SPATS2L: variants seen among roughly 807,000 people sequenced by gnomAD.
SPATS2L encodes the protein SPATS2-like protein.
In SPATS2L, 30 loss-of-function variants were observed where a neutral mutation model predicts 59.6. The observed-to-expected ratio is 0.50, with a 90% CI of 0.38 to 0.68. SPATS2L has a LOEUF of 0.68. Ranked by LOEUF, SPATS2L falls within the 30% of genes least tolerant of loss-of-function variation. The pLI, the probability that SPATS2L is intolerant of heterozygous loss-of-function variation, is 0.00. For missense variants in SPATS2L, 615 were observed against 700.0 expected (o/e 0.88, Z 1.37); for synonymous variants, 252 against 263.5 (o/e 0.96, Z 0.42).
chr2:200,404,496 C>T (rs932255541), intron 3 of SPATS2L, among the ~76,000 whole-genome samples: 1 of 152,114 alleles, frequency 6.6e-6, no homozygotes, highest in African/African-American at 2.4e-5. Context: ...GGCTAGAATT[C>T]CCCCAAACCT....
chr2:200,431,955 T>C (rs1033603275), intron 6 of SPATS2L, among the ~76,000 whole-genome samples: 1 of 152,246 alleles, frequency 6.6e-6, no homozygotes, highest in Non-Finnish European at 1.5e-5. Context: ...GTTTTCACTG[T>C]TGGCAAGAGT....
chr2:200,306,570 G>C (rs924291477), upstream of SPATS2L: 36 of 1,002,042 alleles, frequency 3.6e-5, no homozygotes, highest in Non-Finnish European at 4.3e-5. Flanking sequence ...GCGAGCGGGA[G>C]CGAGGGGCGC....
chr2:200,427,412 G>A (rs1014065885), intron 6 of SPATS2L, among the ~76,000 whole-genome samples: 21 of 150,280 alleles, frequency 1.4e-4, no homozygotes, highest in African/African-American at 4.9e-4. Context: ...AGAGAAATAA[G>A]ACAGTGGAAA....
intron 6 of SPATS2L, among the ~76,000 whole-genome samples, chr2:200,433,639 G>A (rs991644030): frequency 6.6e-6 from 1 of 151,804 alleles, no homozygotes; most frequent in East Asian, 1.9e-4. Context: ...CCAATATCAG[G>A]GATAAAATTA....
chr2:200,404,289 A>G (rs1216716247), intron 3 of SPATS2L, among the ~76,000 whole-genome samples: 1 of 152,246 alleles, frequency 6.6e-6, no homozygotes, highest in Admixed American at 6.5e-5. Context: ...GGTGAAAGAT[A>G]GGGGAACCTG....
At chr2:200,307,871 TTC>T (rs1490262041) in intron 1 of SPATS2L, among the ~76,000 whole-genome samples, 1 of 152,236 alleles carries the variant, frequency 6.6e-6, no homozygotes, top group Non-Finnish European at 1.5e-5. Context: ...TCGTGAAAGA[TTC>T]TTTCTGTACG....
At chr2:200,315,118 C>T (rs1165797023) in intron 1 of SPATS2L, among the ~76,000 whole-genome samples, 1 of 152,204 alleles carries the variant, frequency 6.6e-6, no homozygotes, top group African/African-American at 2.4e-5. Flanking sequence ...CCAGGAGATG[C>T]ATCCTGTACG....
At chr2:200,387,440 TATAAAA>T (rs561521798) in intron 2 of SPATS2L, among the ~76,000 whole-genome samples, 41 of 152,322 alleles carry the variant, frequency 2.7e-4, no homozygotes, top group South Asian at 1.2e-3. Context: ...TTTGGGAACT[TATAAAA>T]ATAAAATGTT....
intron 10 of SPATS2L, among the ~76,000 whole-genome samples, chr2:200,468,689 C>G (rs1225601121): frequency 6.6e-6 from 1 of 152,202 alleles, no homozygotes; most frequent in Non-Finnish European, 1.5e-5. Context: ...CCTACACTGT[C>G]TCCCTTCAGC....
chr2:200,393,119 C>T, intron 3 of SPATS2L: 3 of 444,348 alleles, frequency 6.8e-6, no homozygotes, highest in Non-Finnish European at 1.4e-5. Context: ...GGGTTGGGCG[C>T]CATGGTGCTG....
At position 200,356,529 on chromosome 2, in the gene SPATS2L, T is replaced by C. The variant is rs1043658125; in HGVS notation, c.-23+27049T>C. ...GGTTATCACAAACATTGCTTTTTTT[T>C]CTCCCAAAATATAGAAACATTTTCC... On this transcript the variant is annotated intron_variant, in intron 2 of 12. Coordinates refer to ENST00000409140, the MANE Select transcript of SPATS2L (RefSeq NM_001100423.2). Among the ~76,000 whole-genome samples the C allele has an allele frequency of 2.0e-5, 3 of 152,218 alleles. No homozygotes were observed. The South Asian group carries it at 6.2e-4, about 32-fold the overall frequency.
At chr2:200,430,456 T>TCCTGCC (rs751119976) in intron 6 of SPATS2L, among the ~76,000 whole-genome samples, 9 of 151,680 alleles carry the variant, frequency 5.9e-5, no homozygotes, top group Non-Finnish European at 1.3e-4. Flanking sequence ...AAGGAAACAA[T>TCCTGCC]CCTGCCCCCC....
At chr2:200,410,195 T>C (rs1354305188) in intron 3 of SPATS2L, among the ~76,000 whole-genome samples, 1 of 152,094 alleles carries the variant, frequency 6.6e-6, no homozygotes, top group African/African-American at 2.4e-5. Context: ...TATGAACCCA[T>C]AGTGGCTTGA....
intron 8 of SPATS2L, among the ~76,000 whole-genome samples, chr2:200,455,365 G>A (rs906338592): frequency 2.0e-5 from 3 of 152,192 alleles, no homozygotes; most frequent in African/African-American, 7.2e-5. Context: ...GCAAGGTTAA[G>A]CAGAAGAGTT....
intron 8 of SPATS2L, among the ~76,000 whole-genome samples, chr2:200,446,557 C>T (rs543953379): frequency 1.8e-4 from 28 of 152,188 alleles, no homozygotes; most frequent in African/African-American, 5.8e-4. Flanking sequence ...TGCTGCTAAC[C>T]GTCTCTCCCA....
intron 1 of SPATS2L, among the ~76,000 whole-genome samples, chr2:200,317,219 G>A (rs915058226): frequency 1.3e-5 from 2 of 152,218 alleles, no homozygotes; most frequent in Non-Finnish European, 2.9e-5. Context: ...AAGAAAAAGA[G>A]GACGGGCTTT....
At position 200,469,940 on chromosome 2, in the gene SPATS2L, C is replaced by T. The variant is rs372030849; in HGVS notation, c.984C>T (p.Asp328=). The T allele has an allele frequency of 1.9e-5, 31 of 1,611,294 alleles. No individual in the cohort carries two copies. The highest frequency in any genetic ancestry group is 1.6e-4 in the Middle Eastern group (1 of 6,084). ...IKHFVSERKY[D]EELGKAARFS... is the part of the protein sequence containing the mutation. ...ACTTTGTCAGCGAGCGTAAATATGA[C>T]GAGGAGCTCGGGAAAGCTGCCCGGT... The change falls in exon 11 of 13, where the codon GAC becomes GAT. Residue 328 remains aspartate, a synonymous_variant. Coordinates refer to ENST00000409140, the MANE Select transcript of SPATS2L (RefSeq NM_001100423.2).
At chr2:200,344,535 T>G (rs1406991382) in intron 2 of SPATS2L, among the ~76,000 whole-genome samples, 1 of 152,194 alleles carries the variant, frequency 6.6e-6, no homozygotes, top group East Asian at 1.9e-4. Context: ...TGAACATTTG[T>G]GTGCATGTGT....
chr2:200,472,746 C>T (rs552865154), intron 11 of SPATS2L, 86 bp from the exon 12 acceptor site: 2 of 1,197,062 alleles, frequency 1.7e-6, no homozygotes, highest in Middle Eastern at 5.1e-4. Context: ...TGGCCAGTTT[C>T]TTCATCTTCT....
Sources: allele counts gnomAD v4.1 joint callset (sites outside exome capture counted in the v4.1 genomes callset), GRCh38; gene constraint gnomAD v4.1.1; transcripts MANE v1.5; gene names NCBI Gene and HGNC (gene_info 2026-07-23, HGNC 2026-07-21).